The following CAMKMT variants were observed in gnomAD, a reference collection of about 807,000 sequenced individuals.
The protein encoded by CAMKMT is calmodulin-lysine N-methyltransferase, also known as CaM KMT.
In CAMKMT, 53 loss-of-function variants were observed where a neutral mutation model predicts 48.0. The ratio of observed to expected loss-of-function variants is 1.10; its 90% CI spans 0.89 to 1.39. The LOEUF (loss-of-function observed/expected upper bound fraction) is 1.39. Ranked by LOEUF, CAMKMT falls within the 40% of genes most tolerant of loss-of-function variation. The pLI is 0.00. For missense variants in CAMKMT, 428 were observed against 402.7 expected, an observed-to-expected ratio of 1.06 and a Z score of -0.54; for synonymous variants, 165 against 152.3, an observed-to-expected ratio of 1.08 and a Z score of -0.61.
chr2:44,754,152 C>T (rs756448876), intron 9 of CAMKMT, 34 bp downstream of exon 9: 1 of 1,498,358 alleles, frequency 6.7e-7, no homozygotes. Flanking sequence ...TGAACACTGG[C>T]TACAGAATAA....
At chr2:44,440,600 C>A (rs538377944) in intron 3 of CAMKMT, among the ~76,000 whole-genome samples, 2 of 151,492 alleles carry the variant, frequency 1.3e-5, no homozygotes, top group Non-Finnish European at 2.9e-5. Context: ...TAAATTAAAT[C>A]AAAATTTCAG....
chr2:44,483,085 T>C (rs1264288781), intron 3 of CAMKMT, among the ~76,000 whole-genome samples: 1 of 152,140 alleles, frequency 6.6e-6, no homozygotes, highest in African/African-American at 2.4e-5. Context: ...TGCTTAGCAC[T>C]ATATAAAAAT....
rs190178898 is a variant in CAMKMT, at chr2:44,620,226, C to T, written c.377-84057C>T. 3.8e-3 allele frequency among the ~76,000 whole-genome samples: 585 copies of T among 151,964 alleles called. 7 individuals carry two copies. Among genetic ancestry groups the T allele is most frequent in the Middle Eastern group, 3.4e-3 (1 of 292 alleles). On this transcript the variant is annotated intron_variant, in intron 3 of 10. Transcript: ENST00000378494. ...TGTGATAGATTTTTTCTAAACACAC[C>T]TATTTTTCTTCCCAAATCTGTTATC...
intron 3 of CAMKMT, among the ~76,000 whole-genome samples, chr2:44,451,285 T>C (rs1343506256): frequency 5.3e-5 from 8 of 152,096 alleles, no homozygotes; most frequent in African/African-American, 1.9e-4. Flanking sequence ...CTCATGTACA[T>C]GTATTACAGT....
chr2:44,655,592 C>T (rs955403632), intron 3 of CAMKMT, among the ~76,000 whole-genome samples: 1 of 152,188 alleles, frequency 6.6e-6, no homozygotes, highest in Non-Finnish European at 1.5e-5. Flanking sequence ...CCTAAATAGG[C>T]CTTGCATTAT....
chr2:44,549,436 C>T, intron 3 of CAMKMT: 1 of 640,026 alleles, frequency 1.6e-6, no homozygotes, highest in Non-Finnish European at 2.8e-6. Context: ...CTCTCTCACA[C>T]AGCAGGAAGA....
chr2:44,551,216 C>T (rs1025873983), intron 3 of CAMKMT, among the ~76,000 whole-genome samples: 1 of 152,062 alleles, frequency 6.6e-6, no homozygotes, highest in South Asian at 2.1e-4. Context: ...GAACTGGATA[C>T]GGGGCTTTAC....
chr2:44,367,952 A>G (rs1678781466), intron 1 of CAMKMT, among the ~76,000 whole-genome samples: 1 of 152,188 alleles, frequency 6.6e-6, no homozygotes, highest in Admixed American at 6.5e-5. Context: ...CTGTATAGTT[A>G]TGATCAGTTT....
At chr2:44,487,051 G>T (rs955290105) in intron 3 of CAMKMT, among the ~76,000 whole-genome samples, 5 of 152,118 alleles carry the variant, frequency 3.3e-5, no homozygotes, top group Non-Finnish European at 7.4e-5. Context: ...AGGAATTTGG[G>T]ACCCTTTTGT....
At chr2:44,411,158 G>A (rs1030510148) in intron 3 of CAMKMT, among the ~76,000 whole-genome samples, 5 of 152,008 alleles carry the variant, frequency 3.3e-5, no homozygotes, top group African/African-American at 1.2e-4. Flanking sequence ...AATGTAATTT[G>A]CGGTCTTTAT....
intron 7 of CAMKMT, among the ~76,000 whole-genome samples, chr2:44,715,584 T>C (rs1476927134): frequency 6.6e-6 from 1 of 152,174 alleles, no homozygotes; most frequent in Non-Finnish European, 1.5e-5. Flanking sequence ...GATAAGTATA[T>C]TAAACACTGG....
rs1228585886 is a variant in CAMKMT at position 44,653,164 on chromosome 2, T to C, written c.377-51119T>C. On this transcript the variant is annotated intron_variant, in intron 3 of 10. Transcript: ENST00000378494. This position sits in a 1 kb window ranked among gnomAD's most constrained non-coding sequence, Gnocchi z 5.2. ...GATCCTGGCTTCATAAGAGTCTTTT[T>C]TTATTATTTCTCACTTCACTAGCTC... Among the ~76,000 whole-genome samples, 1 of 152,124 alleles carries C rather than the reference T, an allele frequency of 6.6e-6. No individual in the cohort carries two copies. The highest frequency in any genetic ancestry group is 1.5e-5 in the Non-Finnish European group (1 of 68,032).
intron 3 of CAMKMT, among the ~76,000 whole-genome samples, chr2:44,703,888 C>A (rs966150673): frequency 1.3e-5 from 2 of 151,788 alleles, no homozygotes; most frequent in South Asian, 2.1e-4. Flanking sequence ...GTGTGATCGT[C>A]CCATTTATTT....
At chr2:44,735,966 T>C (rs958943978) in intron 7 of CAMKMT, among the ~76,000 whole-genome samples, 6 of 152,118 alleles carry the variant, frequency 3.9e-5, no homozygotes, top group Admixed American at 1.3e-4. Flanking sequence ...CTGCCATTGG[T>C]CCCCTGCCAG....
At chr2:44,639,072 A>G (rs1275448829) in intron 3 of CAMKMT, among the ~76,000 whole-genome samples, 1 of 152,248 alleles carries the variant, frequency 6.6e-6, no homozygotes, top group Non-Finnish European at 1.5e-5. Flanking sequence ...GGAGAAAACA[A>G]GACATAAGAA....
At chr2:44,451,360 C>G (rs1667278270) in intron 3 of CAMKMT, among the ~76,000 whole-genome samples, 1 of 151,950 alleles carries the variant, frequency 6.6e-6, no homozygotes, top group Non-Finnish European at 1.5e-5. Flanking sequence ...TTACCCTAAT[C>G]CTTTTTTTAT....
chr2:44,390,552 G>T (rs908186088), intron 3 of CAMKMT, among the ~76,000 whole-genome samples: 1 of 151,734 alleles, frequency 6.6e-6, no homozygotes, highest in Non-Finnish European at 1.5e-5. Flanking sequence ...GGGAGGGAGA[G>T]AGAGAGGGAG....
At chr2:44,757,043 T>TG (rs953057735) in intron 9 of CAMKMT, among the ~76,000 whole-genome samples, 3 of 152,240 alleles carry the variant, frequency 2.0e-5, no homozygotes, top group Admixed American at 6.5e-5. Flanking sequence ...GCAAGGCTAG[T>TG]GCCCACCTTG....
intron 8 of CAMKMT, among the ~76,000 whole-genome samples, chr2:44,747,402 ATC>A (rs924778516): frequency 2.6e-5 from 4 of 152,182 alleles, no homozygotes; most frequent in African/African-American, 9.7e-5. Context: ...ACCTGAAAAT[ATC>A]TTTCGCCCAA....
Sources: gnomAD v4.1 joint callset for allele counts (sites outside exome capture counted in the v4.1 genomes callset) on GRCh38, gnomAD v4.1.1 for gene constraint, Gnocchi (gnomAD v3.1) non-coding constraint, MANE v1.5 for transcripts, NCBI Gene and HGNC (gene_info 2026-07-23, HGNC 2026-07-21) for gene names.